ANKRD30A: variants seen among roughly 807,000 people sequenced by gnomAD.
ANKRD30A encodes ankyrin repeat domain-containing protein 30A.
In ANKRD30A, 170 loss-of-function variants were observed where a neutral mutation model predicts 166.3. That is an observed-to-expected ratio of 1.02 (90% CI 0.90 to 1.16). The LOEUF (loss-of-function observed/expected upper bound fraction) is 1.16. Ranked by LOEUF, ANKRD30A falls within the 50% of genes most tolerant of loss-of-function variation. The probability of loss-of-function intolerance (pLI) is 0.00; values close to 1 mark genes in which losing one functional copy is unlikely to be tolerated. For missense variants in ANKRD30A, 1,630 were observed against 1,518.0 expected, an observed-to-expected ratio of 1.07 and a Z score of -1.23; for synonymous variants, 564 against 508.9, an observed-to-expected ratio of 1.11 and a Z score of -1.46.
At chr10:37,232,654 T>TTATATATATA (rs10559316), downstream of ANKRD30A, 193 of 54,140 alleles carry the variant, frequency 3.6e-3, 5 homozygotes, top group East Asian at 0.011. Context: ...AGCATTGGTT[T>TTATATATATA]TATATATATA....
In ANKRD30A at chr10:37,141,700, A is replaced by T; in HGVS notation, c.821-18A>T. The T allele has an allele frequency of 6.2e-7, 1 of 1,611,004 alleles. No individual in the cohort carries two copies. The highest frequency in any genetic ancestry group is 8.5e-7 in the Non-Finnish European group (1 of 1,179,590). ...TATTTAGTAGAAGGAAAATTTAACCAGATTGTGTGTTTGGCAGAAGGAACA... is the reference window on the plus strand; with the variant it reads ...TATTTAGTAGAAGGAAAATTTAACCTGATTGTGTGTTTGGCAGAAGGAACA... On this transcript the variant is annotated intron_variant, in intron 6 of 35. Transcript: ENST00000361713.
chr10:37,213,054 T>C (rs573693581), intron 31 of ANKRD30A, among the ~76,000 whole-genome samples: 4 of 152,022 alleles, frequency 2.6e-5, no homozygotes, highest in African/African-American at 9.6e-5. Flanking sequence ...CTAGATAGAC[T>C]TTTGCTTTTA....
chr10:37,195,189 A>G (rs1164634370), intron 27 of ANKRD30A, among the ~76,000 whole-genome samples: 1 of 152,228 alleles, frequency 6.6e-6, no homozygotes, highest in Non-Finnish European at 1.5e-5. Flanking sequence ...GTGCCAAATA[A>G]CAAATGGGCT....
At chr10:37,254,683 CTT>C in the ANKRD30A span, among the ~76,000 whole-genome samples, 5 of 126,516 alleles carry the variant, frequency 4.0e-5, no homozygotes, top group Admixed American at 8.0e-5. Flanking sequence ...CTTTTCTTTT[CTT>C]TTTTTTTTTT....
intron 31 of ANKRD30A, among the ~76,000 whole-genome samples, chr10:37,201,543 A>G (rs945720994): frequency 1.3e-5 from 2 of 152,088 alleles, no homozygotes; most frequent in African/African-American, 4.8e-5. Context: ...TTTGAATTCA[A>G]GATATTCCAA....
chr10:37,160,028 A>T (rs376677053), intron 15 of ANKRD30A, among the ~76,000 whole-genome samples: 4 of 152,178 alleles, frequency 2.6e-5, no homozygotes, highest in African/African-American at 9.7e-5. Context: ...AAATGGTTGT[A>T]CACTGTACAT....
chr10:37,208,362 A>T (rs2132712691), intron 31 of ANKRD30A, among the ~76,000 whole-genome samples: 1 of 152,246 alleles, frequency 6.6e-6, no homozygotes, highest in South Asian at 2.1e-4. Context: ...AATTCAGGGC[A>T]CTGGGCATTA....
At chr10:37,250,278 T>G in the ANKRD30A span, among the ~76,000 whole-genome samples, 163 of 152,136 alleles carry the variant, frequency 1.1e-3, no homozygotes, top group African/African-American at 3.7e-3. Context: ...GAAGTGATAT[T>G]GAAGTTCTTG....
chr10:37,160,285 C>T (rs1216007976), intron 15 of ANKRD30A, among the ~76,000 whole-genome samples: 1 of 152,106 alleles, frequency 6.6e-6, no homozygotes, highest in Non-Finnish European at 1.5e-5. Flanking sequence ...TTAAAATACA[C>T]GAATTGGAAA....
intron 15 of ANKRD30A, among the ~76,000 whole-genome samples, chr10:37,159,433 G>A (rs1345930944): frequency 3.3e-5 from 5 of 152,072 alleles, no homozygotes; most frequent in East Asian, 1.9e-4. Flanking sequence ...TGGGAGAATC[G>A]CTTGAAACTA....
rs1268666172 is a variant in ANKRD30A, at chr10:37,136,600, T to G, written c.756-7T>G. 8.0e-7 allele frequency: 1 copy of G among 1,247,204 alleles called. No homozygotes were observed. Among genetic ancestry groups the G allele is most frequent in the Non-Finnish European group, 1.1e-6 (1 of 890,168 alleles). 77.3% of individuals were successfully genotyped at this position (1,247,204 alleles called of 1,614,324 possible). ...GGTAATTTTATTTATCACATTTTTATACATAGCATTCATGAACAAATTATG... is the reference window on the plus strand; with the variant it reads ...GGTAATTTTATTTATCACATTTTTAGACATAGCATTCATGAACAAATTATG... On this transcript the variant is annotated splice_polypyrimidine_tract_variant and splice_region_variant and intron_variant, in intron 5 of 35. Coordinates refer to ENST00000361713, the MANE Select transcript of ANKRD30A (RefSeq NM_052997.3).
intron 31 of ANKRD30A, among the ~76,000 whole-genome samples, chr10:37,212,448 G>A (rs1199816959): frequency 6.6e-6 from 1 of 151,946 alleles, no homozygotes; most frequent in Non-Finnish European, 1.5e-5. Context: ...TACTGCCCAA[G>A]GTAATTTATC....
At chr10:37,200,636 T>C (rs1841546326) in intron 30 of ANKRD30A, among the ~76,000 whole-genome samples, 1 of 152,118 alleles carries the variant, frequency 6.6e-6, no homozygotes, top group Admixed American at 6.6e-5. Flanking sequence ...ATTTTTTTCT[T>C]ACTGCATTTG....
intron 27 of ANKRD30A, among the ~76,000 whole-genome samples, chr10:37,195,334 C>T (rs765799673): frequency 6.6e-6 from 1 of 152,084 alleles, no homozygotes; most frequent in East Asian, 1.9e-4. Flanking sequence ...CATTCTGTGT[C>T]TCATGGCGCT....
At chr10:37,197,760 A>G (rs1198762433) in intron 29 of ANKRD30A, among the ~76,000 whole-genome samples, 1 of 152,174 alleles carries the variant, frequency 6.6e-6, no homozygotes, top group Non-Finnish European at 1.5e-5. Context: ...TAAAGATTCA[A>G]GAAGGTGAAT....
chr10:37,166,797 C>G (rs1370770839), intron 19 of ANKRD30A, 102 bp downstream of exon 19: 13 of 1,510,740 alleles, frequency 8.6e-6, no homozygotes, highest in Non-Finnish European at 1.1e-5. Flanking sequence ...CTCCTAAATG[C>G]AAACCATGGA....
chr10:37,248,286 C>A, the ANKRD30A span: 1 of 526,100 alleles, frequency 1.9e-6, no homozygotes, highest in Non-Finnish European at 3.7e-6. Context: ...AAGGCCCTGC[C>A]TTCCACTGTT....
intron 24 of ANKRD30A, among the ~76,000 whole-genome samples, chr10:37,177,430 C>T (rs1839817760): frequency 6.7e-6 from 1 of 149,230 alleles, no homozygotes. Flanking sequence ...TTTGTTTTTC[C>T]TGCTCAGTCA....
chr10:37,209,977 AT>A (rs987996017), intron 31 of ANKRD30A, among the ~76,000 whole-genome samples: 3 of 152,090 alleles, frequency 2.0e-5, no homozygotes, highest in African/African-American at 7.2e-5. Flanking sequence ...GTTTTCTTAT[AT>A]TATAATTTAA....
Sources: allele counts gnomAD v4.1 joint callset (sites outside exome capture counted in the v4.1 genomes callset), GRCh38; gene constraint gnomAD v4.1.1; transcripts MANE v1.5; gene names NCBI Gene and HGNC (gene_info 2026-07-23, HGNC 2026-07-21).